The following NFU1 variants were observed in gnomAD, a reference collection of about 807,000 sequenced individuals.
NFU1 encodes the protein NFU1 iron-sulfur cluster scaffold.
A neutral mutation model predicts 32.2 loss-of-function variants in NFU1; 30 were observed. The observed-to-expected ratio is 0.93, with a 90% CI of 0.70 to 1.26. The LOEUF (loss-of-function observed/expected upper bound fraction) is 1.26, where lower values mean the gene tolerates loss of function less well. Ranked by LOEUF, NFU1 falls within the 50% of genes most tolerant of loss-of-function variation. The probability of loss-of-function intolerance (pLI) is 0.00; values close to 1 mark genes in which losing one functional copy is unlikely to be tolerated. For missense variants in NFU1, 306 were observed against 306.6 expected (o/e 1.00, Z 0.02); for synonymous variants, 112 against 104.6 (o/e 1.07, Z -0.43).
chr2:69,420,290 A>AT (rs1673195766), intron 3 of NFU1, among the ~76,000 whole-genome samples: 1 of 152,064 alleles, frequency 6.6e-6, no homozygotes, highest in Non-Finnish European at 1.5e-5. Context: ...GAGCCACCAC[A>AT]CCCAGCCTAA....
upstream of NFU1, among the ~76,000 whole-genome samples, chr2:69,439,233 C>T (rs1478957274): frequency 1.3e-5 from 2 of 152,178 alleles, no homozygotes; most frequent in African/African-American, 4.8e-5. Context: ...AGTCAAACCA[C>T]CCACAGCCTC....
chr2:69,406,830 C>T (rs1339105346), intron 5 of NFU1, among the ~76,000 whole-genome samples: 1 of 152,040 alleles, frequency 6.6e-6, no homozygotes, highest in Non-Finnish European at 1.5e-5. Flanking sequence ...ACTTCAGTTC[C>T]CATAATCCCT....
intron 3 of NFU1, among the ~76,000 whole-genome samples, chr2:69,421,815 G>C (rs1673255324): frequency 6.6e-6 from 1 of 151,760 alleles, no homozygotes; most frequent in Non-Finnish European, 1.5e-5. Context: ...GCCCGCCTCG[G>C]CCTCCCAAAG....
chr2:69,400,418 A>AT lies in NFU1; in HGVS notation c.665dup (p.Asn222LysfsTer23). The AT allele has an allele frequency of 6.2e-7, 1 of 1,614,110 alleles. No individual in the cohort carries two copies. ...AAAACTGCAGCATGTTCTGAATTCC[A>AT]TTTTTCAGAGTAATGATTGAACTAG... On this transcript the variant is annotated frameshift_variant, in exon 7 of 8. Coordinates refer to ENST00000410022, the MANE Select transcript of NFU1 (RefSeq NM_001002755.4). LOFTEE classifies it high-confidence loss of function.
intron 2 of NFU1, among the ~76,000 whole-genome samples, chr2:69,431,085 A>G (rs1206789143): frequency 1.3e-5 from 2 of 152,208 alleles, no homozygotes; most frequent in Admixed American, 1.3e-4. Flanking sequence ...ATTAAAGTAT[A>G]TATCTCGTTA....
chr2:69,430,178 C>A (rs1673592737), intron 2 of NFU1, among the ~76,000 whole-genome samples: 1 of 151,612 alleles, frequency 6.6e-6, no homozygotes. Flanking sequence ...ATGAGACTTA[C>A]AACAGGAAAC....
At chr2:69,415,074 T>C in intron 5 of NFU1, 111 bp downstream of exon 5, 3 of 695,230 alleles carry the variant, frequency 4.3e-6, no homozygotes, top group Admixed American at 2.6e-5. Flanking sequence ...GCTAAATATA[T>C]TAAATGATAG....
intron 2 of NFU1, among the ~76,000 whole-genome samples, chr2:69,431,439 G>A (rs891824467): frequency 1.3e-5 from 2 of 152,060 alleles, no homozygotes; most frequent in African/African-American, 4.8e-5. Context: ...CCAAGCAGCT[G>A]GGACTACACG....
At chr2:69,412,662 G>A (rs1672924895) in intron 5 of NFU1, among the ~76,000 whole-genome samples, 1 of 152,160 alleles carries the variant, frequency 6.6e-6, no homozygotes. Flanking sequence ...TGGGATTACA[G>A]GCGTGAGCCA....
intron 4 of NFU1, among the ~76,000 whole-genome samples, chr2:69,418,560 G>A (rs186391887): frequency 0.012 from 1,751 of 152,154 alleles, 31 homozygotes; most frequent in African/African-American, 0.04. Flanking sequence ...TCCGCCTCCC[G>A]GGTTCACGCC....
chr2:69,435,340 C>T (rs1490188396), intron 1 of NFU1, among the ~76,000 whole-genome samples: 1 of 152,144 alleles, frequency 6.6e-6, no homozygotes, highest in Non-Finnish European at 1.5e-5. Context: ...TTCCAAAGGC[C>T]AAAATTGTTT....
intron 5 of NFU1, among the ~76,000 whole-genome samples, chr2:69,407,856 T>C (rs1672751055): frequency 1.3e-5 from 2 of 151,396 alleles, no homozygotes; most frequent in East Asian, 1.9e-4. Flanking sequence ...CTACTAAAAA[T>C]ACAAAAATTA....
chr2:69,437,290 G>A, intron 1 of NFU1, 71 bp downstream of exon 1: 1 of 1,548,302 alleles, frequency 6.5e-7, no homozygotes, highest in East Asian at 2.4e-5. Flanking sequence ...GAGAGGGTCT[G>A]CAAGGCGGCG....
intron 7 of NFU1, among the ~76,000 whole-genome samples, chr2:69,397,401 A>T (rs543372677): frequency 6.6e-6 from 1 of 152,278 alleles, no homozygotes; most frequent in Non-Finnish European, 1.5e-5. Context: ...ACTCCATTGG[A>T]GAAGGAAAAA....
chr2:69,424,198 A>T (rs6748664), intron 2 of NFU1, among the ~76,000 whole-genome samples: 1,654 of 72,646 alleles, frequency 0.023, 15 homozygotes, highest in African/African-American at 0.048. Context: ...AAAAAAAAAA[A>T]ATATATATAT....
upstream of NFU1, chr2:69,437,618 G>A (rs1673903556): frequency 2.9e-6 from 2 of 692,636 alleles, no homozygotes; most frequent in East Asian, 2.7e-5. Flanking sequence ...AGAGGCCGGG[G>A]AACCTTTCCC....
At chr2:69,409,715 CTCT>C (rs1475476253) in intron 5 of NFU1, among the ~76,000 whole-genome samples, 2 of 152,110 alleles carry the variant, frequency 1.3e-5, no homozygotes, top group Non-Finnish European at 2.9e-5. Flanking sequence ...GTTACTGGGA[CTCT>C]TCTTAGCACT....
chr2:69,399,771 C>A (rs1672455289), intron 7 of NFU1, among the ~76,000 whole-genome samples: 3 of 152,070 alleles, frequency 2.0e-5, no homozygotes, highest in African/African-American at 7.2e-5. Context: ...GTCTCTGTAG[C>A]CTTATGTGCA....
chr2:69,417,386 T>C (rs1161335777), intron 4 of NFU1, among the ~76,000 whole-genome samples: 1 of 151,592 alleles, frequency 6.6e-6, no homozygotes, highest in East Asian at 1.9e-4. Flanking sequence ...CTCACACCTG[T>C]AATCCCAACA....
Sources: gnomAD v4.1 joint callset for allele counts (sites outside exome capture counted in the v4.1 genomes callset) on GRCh38, gnomAD v4.1.1 for gene constraint, MANE v1.5 for transcripts, NCBI Gene and HGNC (gene_info 2026-07-23, HGNC 2026-07-21) for gene names.